Variants in CFH observed in about 807,000 individuals in gnomAD.
CFH encodes the protein complement factor H.
CFH carries 53 observed loss-of-function variants against 147.3 expected under a neutral mutation model. That is an observed-to-expected ratio of 0.36 (90% confidence interval 0.29 to 0.45). CFH has a LOEUF of 0.45. Ranked by LOEUF, CFH falls within the 20% of genes least tolerant of loss-of-function variation. The pLI, the probability that CFH is intolerant of heterozygous loss-of-function variation, is 1.00. For synonymous variants in CFH, 536 were observed against 489.4 expected, an observed-to-expected ratio of 1.10 and a Z score of -1.26; for missense variants, 1,380 against 1,498.0, an observed-to-expected ratio of 0.92 and a Z score of 1.30.
At chr1:196,715,554 T>C in intron 10 of CFH, 39 bp from the exon 11 acceptor site, 1 of 1,472,720 alleles carries the variant, frequency 6.8e-7, no homozygotes, top group African/African-American at 1.4e-5. Context: ...GTTTATTAGA[T>C]GACATTAGAA....
At chr1:196,709,486 T>C (rs1668674355) in intron 9 of CFH, among the ~76,000 whole-genome samples, 1 of 152,082 alleles carries the variant, frequency 6.6e-6, no homozygotes. Flanking sequence ...ATTCATACCA[T>C]ATTAGCTTTT....
At chr1:196,689,303 T>C in intron 7 of CFH, 117 bp from the exon 8 acceptor site, 1 of 955,552 alleles carries the variant, frequency 1.0e-6, no homozygotes, top group Non-Finnish European at 1.6e-6. Context: ...GAAACCCTAA[T>C]GGAATGTGTA....
chr1:196,728,099 A>G (rs891740748), intron 14 of CFH, among the ~76,000 whole-genome samples: 12 of 152,062 alleles, frequency 7.9e-5, no homozygotes, highest in African/African-American at 2.9e-4. Flanking sequence ...GATATTTTGT[A>G]TTTCCCAAAG....
chr1:196,655,189 CG>C (rs1247807374), intron 1 of CFH, among the ~76,000 whole-genome samples: 1 of 151,150 alleles, frequency 6.6e-6, no homozygotes, highest in Non-Finnish European at 1.5e-5. Flanking sequence ...TTTCAGTGGG[CG>C]GGGGAGGGTA....
rs190494418 is a variant in CFH at position 196,697,119 on chromosome 1, C to A, written c.1336+6880C>A. Among the ~76,000 whole-genome samples, 113 of 152,210 alleles carry A rather than the reference C, an allele frequency of 7.4e-4. 1 individual carries two copies. The highest frequency in any genetic ancestry group is 2.7e-3 in the African/African-American group (111 of 41,536). On this transcript the variant is annotated intron_variant, in intron 9 of 21. Transcript: ENST00000367429. Reference sequence around the variant, plus strand: ...GGCAAGGACTTCATGTCTAAAATACCAAAAGCAATGGCAACACAAGCCAAA... The same window carrying A: ...GGCAAGGACTTCATGTCTAAAATACAAAAAGCAATGGCAACACAAGCCAAA...
At chr1:196,740,522 ATTGT>A in intron 17 of CFH, 93 bp from the exon 18 acceptor site, 2 of 1,193,240 alleles carry the variant, frequency 1.7e-6, no homozygotes, top group Non-Finnish European at 2.4e-6. Context: ...TAGCTCCTGT[ATTGT>A]TTATTTTCAA....
intron 7 of CFH, among the ~76,000 whole-genome samples, chr1:196,686,300 A>C (rs920939714): frequency 1.3e-5 from 2 of 152,098 alleles, no homozygotes; most frequent in African/African-American, 4.8e-5. Context: ...TAAGTCCAGC[A>C]TATATCCAAG....
intron 7 of CFH, among the ~76,000 whole-genome samples, chr1:196,688,131 A>C (rs1280098280): frequency 1.3e-5 from 2 of 151,898 alleles, no homozygotes; most frequent in African/African-American, 4.8e-5. Context: ...AGGTTTATTG[A>C]AATAGAAACA....
At chr1:196,692,889 C>T (rs141672221) in intron 9 of CFH, among the ~76,000 whole-genome samples, 4,148 of 38,718 alleles carry the variant, frequency 0.11, 464 homozygotes, top group African/African-American at 0.18. Context: ...CTCCCTCCCT[C>T]CCTCCCTCCC....
chr1:196,669,526 T>A (rs1051491196), intron 1 of CFH, among the ~76,000 whole-genome samples: 2 of 152,142 alleles, frequency 1.3e-5, no homozygotes, highest in East Asian at 3.9e-4. Flanking sequence ...TGCAGCCATG[T>A]CTAAAAGGGG....
intron 17 of CFH, among the ~76,000 whole-genome samples, chr1:196,739,146 C>G (rs950581420): frequency 6.6e-6 from 1 of 152,314 alleles, no homozygotes; most frequent in African/African-American, 2.4e-5. Context: ...GGGACCTGAT[C>G]CAGGTCCATC....
chr1:196,704,917 G>A (rs1259567179), intron 9 of CFH, among the ~76,000 whole-genome samples: 2 of 152,202 alleles, frequency 1.3e-5, no homozygotes, highest in Admixed American at 6.5e-5. Context: ...CTGGTGTTCA[G>A]TCTTGAATCT....
intron 6 of CFH, among the ~76,000 whole-genome samples, chr1:196,681,270 G>A (rs1667644604): frequency 6.6e-6 from 1 of 151,712 alleles, no homozygotes; most frequent in Non-Finnish European, 1.5e-5. Flanking sequence ...TGGGAATTTA[G>A]TTTTATTTGA....
At chr1:196,721,606 T>G (rs1349588467) in intron 11 of CFH, among the ~76,000 whole-genome samples, 3 of 152,018 alleles carry the variant, frequency 2.0e-5, no homozygotes, top group Non-Finnish European at 4.4e-5. Context: ...ATGAGGTTTC[T>G]TTGTTTATTT....
intron 17 of CFH, among the ~76,000 whole-genome samples, chr1:196,738,766 C>T (rs1377207575): frequency 6.6e-6 from 1 of 152,158 alleles, no homozygotes; most frequent in African/African-American, 2.4e-5. Context: ...CATTCTGGGG[C>T]TTCAATGATT....
At chr1:196,670,127 G>A (rs748988299) in intron 1 of CFH, among the ~76,000 whole-genome samples, 1 of 152,168 alleles carries the variant, frequency 6.6e-6, no homozygotes, top group Non-Finnish European at 1.5e-5. Flanking sequence ...TGGGATGGGA[G>A]CATTTACCCA....
At chr1:196,677,440 A>G (rs747442970) in intron 4 of CFH, 36 bp from the exon 5 acceptor site, 1 of 1,590,242 alleles carries the variant, frequency 6.3e-7, no homozygotes, top group South Asian at 1.1e-5. Context: ...AAACTTTTAA[A>G]ATTCCATTAG....
chr1:196,703,499 C>T (rs1668511657), intron 9 of CFH, among the ~76,000 whole-genome samples: 1 of 152,174 alleles, frequency 6.6e-6, no homozygotes, highest in Admixed American at 6.5e-5. Context: ...CCACATGGGG[C>T]TTGAGATCCT....
intron 9 of CFH, among the ~76,000 whole-genome samples, chr1:196,713,238 C>A (rs1342339686): frequency 6.6e-6 from 1 of 152,070 alleles, no homozygotes; most frequent in Admixed American, 6.6e-5. Flanking sequence ...CTCCACATGT[C>A]CATTTACTTT....
Sources: allele counts gnomAD v4.1 joint callset (sites outside exome capture counted in the v4.1 genomes callset), GRCh38; gene constraint gnomAD v4.1.1; transcripts MANE v1.5; gene names NCBI Gene and HGNC (gene_info 2026-07-23, HGNC 2026-07-21).